The following CYP4X1 variants were observed in gnomAD, a reference collection of about 807,000 sequenced individuals.
CYP4X1 encodes cytochrome P450 4X1.
Under a neutral mutation model 57.9 loss-of-function variants are expected in CYP4X1, and 44 were observed. The ratio of observed to expected loss-of-function variants is 0.76; its 90% CI spans 0.60 to 0.98. The LOEUF (loss-of-function observed/expected upper bound fraction) is 0.98, where lower values mean the gene tolerates loss of function less well. CYP4X1 is among the 50% of genes least tolerant of loss of function. The pLI, the probability that CYP4X1 is intolerant of heterozygous loss-of-function variation, is 0.00. For synonymous variants in CYP4X1, 227 were observed against 228.6 expected, an observed-to-expected ratio of 0.99 and a Z score of 0.06; for missense variants, 532 against 623.9, an observed-to-expected ratio of 0.85 and a Z score of 1.57.
the CYP4X1 span, among the ~76,000 whole-genome samples, chr1:46,985,008 C>T: frequency 6.6e-6 from 1 of 152,154 alleles, no homozygotes; most frequent in East Asian, 1.9e-4. Context: ...CTGGGATGCT[C>T]AAGCTTGGTG....
chr1:47,024,001 G>A lies in CYP4X1; in HGVS notation c.177+7G>A, dbSNP rs776164387. The A allele has an allele frequency of 6.2e-7, 1 of 1,609,998 alleles. No homozygotes were observed. Among genetic ancestry groups the A allele is most frequent in the Non-Finnish European group, 8.5e-7 (1 of 1,178,052 alleles). On this transcript the variant is annotated splice_region_variant and intron_variant, in intron 1 of 11. Transcript: ENST00000371901. The stretch of plus-strand genomic sequence containing the variant: ...GTTCCTTGGGCACCAGAAGGTAGAT[G>A]GGAGGGAGGAGGGAGGAAGGAGGAG...
chr1:47,041,713 C>T (rs1644248332), intron 8 of CYP4X1, among the ~76,000 whole-genome samples: 1 of 152,078 alleles, frequency 6.6e-6, no homozygotes, highest in Non-Finnish European at 1.5e-5. Context: ...CAGACATGTT[C>T]TCCCATCCTT....
intron 8 of CYP4X1, among the ~76,000 whole-genome samples, chr1:47,042,301 G>C (rs2405580): frequency 6.9e-6 from 1 of 143,974 alleles, no homozygotes; most frequent in Non-Finnish European, 1.5e-5. Flanking sequence ...TTTTTTTTTC[G>C]ATTACTGTGA....
At chr1:46,991,033 G>C in the CYP4X1 span, among the ~76,000 whole-genome samples, 1 of 143,334 alleles carries the variant, frequency 7.0e-6, no homozygotes, top group Admixed American at 7.0e-5. Context: ...ATGTATCCCA[G>C]AACTTAAAAA....
chr1:46,973,550 T>G, the CYP4X1 span, among the ~76,000 whole-genome samples: 1 of 152,180 alleles, frequency 6.6e-6, no homozygotes, highest in Non-Finnish European at 1.5e-5. Context: ...TGTGAATATG[T>G]CTGGTCTAGA....
chr1:47,051,206 G>C (rs969279776), downstream of CYP4X1, among the ~76,000 whole-genome samples: 2 of 152,076 alleles, frequency 1.3e-5, no homozygotes, highest in African/African-American at 2.4e-5. Context: ...AGTTAGAATG[G>C]CAATCATTAA....
chr1:47,034,575 G>T (rs1266778324), intron 4 of CYP4X1, among the ~76,000 whole-genome samples: 3 of 151,974 alleles, frequency 2.0e-5, no homozygotes, highest in Non-Finnish European at 4.4e-5. Context: ...TCAATGATTG[G>T]GTTCTCAGCC....
At chr1:46,981,304 A>G in the CYP4X1 span, among the ~76,000 whole-genome samples, 2 of 152,222 alleles carry the variant, frequency 1.3e-5, no homozygotes, top group African/African-American at 4.8e-5. Flanking sequence ...CAGACACTCC[A>G]TCAAAAAGTG....
At chr1:46,970,586 A>G in the CYP4X1 span, among the ~76,000 whole-genome samples, 1 of 152,212 alleles carries the variant, frequency 6.6e-6, no homozygotes. Context: ...TGCTGCTTTA[A>G]GTTTATAGAC....
At chr1:46,987,787 G>A in the CYP4X1 span, among the ~76,000 whole-genome samples, 491 of 152,210 alleles carry the variant, frequency 3.2e-3, 6 homozygotes, top group African/African-American at 0.011. Context: ...AATGACTACT[G>A]GGTACATAAC....
At chr1:46,977,894 G>T in the CYP4X1 span, among the ~76,000 whole-genome samples, 2 of 152,154 alleles carry the variant, frequency 1.3e-5, no homozygotes, top group East Asian at 1.9e-4. Context: ...AAGAGAAGGA[G>T]AAATAAAATA....
At chr1:46,977,641 C>A in the CYP4X1 span, among the ~76,000 whole-genome samples, 2 of 151,878 alleles carry the variant, frequency 1.3e-5, no homozygotes, top group Non-Finnish European at 2.9e-5. Flanking sequence ...AAAAGATACT[C>A]CACGACAAGA....
chr1:47,053,603 C>T (rs1374039665), downstream of CYP4X1, among the ~76,000 whole-genome samples: 9 of 152,130 alleles, frequency 5.9e-5, no homozygotes, highest in East Asian at 1.9e-4. Context: ...TTTTAATGAT[C>T]GCCATTCTAA....
At chr1:47,052,996 C>A (rs1403780185), downstream of CYP4X1, among the ~76,000 whole-genome samples, 1 of 152,018 alleles carries the variant, frequency 6.6e-6, no homozygotes, top group Admixed American at 6.6e-5. Context: ...TATACATGTG[C>A]CATGTTGGTG....
chr1:47,009,436 TA>T, the CYP4X1 span, among the ~76,000 whole-genome samples: 1 of 151,644 alleles, frequency 6.6e-6, no homozygotes, highest in Non-Finnish European at 1.5e-5. Flanking sequence ...TTTATAGCAA[TA>T]AATGCTCACA....
upstream of CYP4X1, among the ~76,000 whole-genome samples, chr1:47,022,627 A>T (rs1644010989): frequency 1.3e-5 from 2 of 152,082 alleles, no homozygotes; most frequent in African/African-American, 4.8e-5. Flanking sequence ...GCCAAATAAA[A>T]TCTGGCTCCA....
the CYP4X1 span, among the ~76,000 whole-genome samples, chr1:47,015,909 T>C: frequency 6.6e-6 from 1 of 152,224 alleles, no homozygotes; most frequent in Admixed American, 6.5e-5. Context: ...TTCCTATTAG[T>C]GCCACCTCCG....
At chr1:46,969,215 C>T in the CYP4X1 span, among the ~76,000 whole-genome samples, 27 of 152,332 alleles carry the variant, frequency 1.8e-4, no homozygotes, top group South Asian at 8.3e-4. Context: ...GTTCCCACCA[C>T]GTGACATGCT....
chr1:47,003,698 C>T, the CYP4X1 span, among the ~76,000 whole-genome samples: 1 of 152,038 alleles, frequency 6.6e-6, no homozygotes, highest in Non-Finnish European at 1.5e-5. Flanking sequence ...CCAGGTCTCA[C>T]AAGAACTTAC....
Sources: gnomAD v4.1 joint callset for allele counts (sites outside exome capture counted in the v4.1 genomes callset) on GRCh38, gnomAD v4.1.1 for gene constraint, MANE v1.5 for transcripts, NCBI Gene and HGNC (gene_info 2026-07-23, HGNC 2026-07-21) for gene names.